Variants in C8B observed in about 807,000 individuals in gnomAD.
C8B encodes the protein complement C8 beta chain.
A neutral mutation model predicts 64.6 loss-of-function variants in C8B; 67 were observed. That is an observed-to-expected ratio of 1.04 (90% CI 0.85 to 1.27). The LOEUF (loss-of-function observed/expected upper bound fraction) is 1.27, where lower values mean the gene tolerates loss of function less well. Among genes scored for constraint, C8B ranks in the 50% most tolerant of loss-of-function variants. The pLI is 0.00. For missense variants in C8B, 790 were observed against 725.2 expected (o/e 1.09, Z -1.03); for synonymous variants, 284 against 257.7 (o/e 1.10, Z -0.98).
intron 10 of C8B, among the ~76,000 whole-genome samples, chr1:56,932,166 A>C (rs547255435): frequency 6.6e-6 from 1 of 152,334 alleles, no homozygotes; most frequent in South Asian, 2.1e-4. Context: ...GTCAGAAGCT[A>C]CATTAGCAGT....
In C8B at chr1:56,949,665, ACTTG is replaced by A. The variant is rs1557736940; in HGVS notation, c.750_753del (p.Lys251LeufsTer50). 1 of 1,614,012 alleles carries A rather than the reference ACTTG, an allele frequency of 6.2e-7. No homozygotes were observed. ...ATTTTAAAACCAAAACTGAAACCAG[ACTTG>A]CTTGCCATTTTCTCTGTGACATTGC... On this transcript the variant is annotated frameshift_variant, in exon 6 of 12. Transcript: ENST00000371237. LOFTEE classifies it high-confidence loss of function.
intron 9 of C8B, among the ~76,000 whole-genome samples, chr1:56,936,216 G>A (rs1474572450): frequency 6.6e-6 from 1 of 152,146 alleles, no homozygotes; most frequent in East Asian, 1.9e-4. Context: ...TTAATGTTCT[G>A]AATATATCTG....
rs753583783 is a variant in C8B at position 56,952,183 on chromosome 1, G to A, written c.534-3C>T. ...AACTGTTTGTGAACAAATTTATCCTGTGAGGAAGAGACAGAGATGGCGAAG... is the reference window on the plus strand; with the variant it reads ...AACTGTTTGTGAACAAATTTATCCTATGAGGAAGAGACAGAGATGGCGAAG... On this transcript the variant is annotated splice_region_variant and splice_polypyrimidine_tract_variant and intron_variant, in intron 4 of 11. Transcript: ENST00000371237. The A allele has an allele frequency of 5.0e-6, 8 of 1,614,006 alleles. No homozygotes were observed. The highest frequency in any genetic ancestry group is 2.7e-5 in the African/African-American group (2 of 74,934).
chr1:56,946,773 A>G (rs1644948750), intron 6 of C8B, among the ~76,000 whole-genome samples: 1 of 152,250 alleles, frequency 6.6e-6, no homozygotes, highest in African/African-American at 2.4e-5. Context: ...AAGTGTTAGT[A>G]CAACCCTAGG....
chr1:56,940,749 G>A (rs866654905), intron 9 of C8B, 100 bp downstream of exon 9: 2 of 1,359,354 alleles, frequency 1.5e-6, no homozygotes, highest in African/African-American at 1.4e-5. Flanking sequence ...ATTAGGGCCT[G>A]GGTCTTAGTG....
At chr1:56,957,362 A>T (rs1005095402) in intron 2 of C8B, among the ~76,000 whole-genome samples, 4 of 152,214 alleles carry the variant, frequency 2.6e-5, no homozygotes, top group African/African-American at 9.7e-5. Flanking sequence ...AGGCATCAGT[A>T]TATTATAAAT....
intron 3 of C8B, 120 bp downstream of exon 3, chr1:56,956,649 A>G: frequency 1.0e-6 from 1 of 993,734 alleles, no homozygotes; most frequent in Admixed American, 1.7e-5. Flanking sequence ...TAGGACAAGG[A>G]GGCCTCCTGA....
chr1:56,935,675 T>C (rs968821513), intron 9 of C8B, among the ~76,000 whole-genome samples: 3 of 152,244 alleles, frequency 2.0e-5, no homozygotes, highest in African/African-American at 4.8e-5. Flanking sequence ...AACAATCTTA[T>C]GAGTTCGTTA....
At chr1:56,939,476 C>T (rs1644819120) in intron 9 of C8B, among the ~76,000 whole-genome samples, 1 of 152,194 alleles carries the variant, frequency 6.6e-6, no homozygotes, top group South Asian at 2.1e-4. Context: ...GAGCACCAGT[C>T]CCTCAACCCT....
At chr1:56,948,518 C>T (rs943798127) in intron 6 of C8B, among the ~76,000 whole-genome samples, 7 of 152,096 alleles carry the variant, frequency 4.6e-5, no homozygotes, top group Admixed American at 6.5e-5. Flanking sequence ...GTGAGATGCT[C>T]AGAAGAGTGG....
intron 9 of C8B, among the ~76,000 whole-genome samples, chr1:56,940,431 G>A (rs1409295899): frequency 6.6e-6 from 1 of 151,734 alleles, no homozygotes; most frequent in Non-Finnish European, 1.5e-5. Flanking sequence ...TTAGCCAGGT[G>A]TGGTGTCATG....
intron 11 of C8B, chr1:56,931,601 C>T: frequency 3.8e-6 from 2 of 523,946 alleles, no homozygotes; most frequent in East Asian, 3.6e-5. Context: ...TAACATGAAG[C>T]ACTCTGTGTT....
chr1:56,960,780 C>T (rs2101466155), intron 1 of C8B, among the ~76,000 whole-genome samples: 1 of 152,256 alleles, frequency 6.6e-6, no homozygotes, highest in Middle Eastern at 3.4e-3. Context: ...TAAGTGGATG[C>T]TGTTTTCCCA....
intron 7 of C8B, 50 bp downstream of exon 7, chr1:56,945,771 T>C (rs770062416): frequency 1.9e-6 from 3 of 1,612,240 alleles, no homozygotes; most frequent in Non-Finnish European, 2.5e-6. Context: ...GTTCAACTTA[T>C]GACTCTTCCC....
At chr1:56,953,431 A>T (rs1645055027) in intron 4 of C8B, among the ~76,000 whole-genome samples, 1 of 152,216 alleles carries the variant, frequency 6.6e-6, no homozygotes, top group East Asian at 1.9e-4. Flanking sequence ...AATCCTTATG[A>T]GGATTAATCA....
rs1644660349 is a variant in C8B, at chr1:56,929,331, G to A, written c.*73C>T. 6.5e-7 allele frequency: 1 copy of A among 1,530,218 alleles called. No individual in the cohort carries two copies. Among genetic ancestry groups the A allele is most frequent in the African/African-American group, 1.4e-5 (1 of 73,186 alleles). 94.8% of individuals were successfully genotyped at this position (1,530,218 alleles called of 1,614,324 possible). A position where few individuals can be genotyped will look rare whatever the true frequency, so the allele number is the denominator to read the frequency against. On this transcript the variant is annotated 3_prime_UTR_variant, in exon 12 of 12. Transcript: ENST00000371237. ...GCATGAACTCCAGGTGGAAACTGGT[G>A]TAGGGCTGAGCTGGCATGAGTTCTT...
rs41285942 is a variant in C8B at position 56,940,883 on chromosome 1, G to A, written c.1364C>T (p.Ala455Val). The change falls in exon 9 of 12, where the codon GCT becomes GTT. Residue 455 changes from alanine (A) to valine (V), a missense_variant. By Grantham distance (64) the Ala-to-Val change is moderately conservative (BLOSUM62 0). Coordinates refer to ENST00000371237, the MANE Select transcript of C8B (RefSeq NM_000066.4). Reference protein sequence around the residue: ...TADLMQEWGDAVQYNPAIIKV... With the variant: ...TADLMQEWGDVVQYNPAIIKV... ...GATGATGGCTGGGTTGTACTGCACA[G>A]CGTCTCCCCACTCCTGCATCAGGTC... 4.3e-6 allele frequency: 7 copies of A among 1,614,030 alleles called. No homozygotes were observed. The highest frequency in any genetic ancestry group is 2.2e-5 in the East Asian group (1 of 44,858).
chr1:56,957,815 GGGGA>G (rs562132046), intron 2 of C8B, among the ~76,000 whole-genome samples: 95 of 152,230 alleles, frequency 6.2e-4, no homozygotes, highest in African/African-American at 2.1e-3. Context: ...TGCCATGACA[GGGGA>G]GGCAGAGTGC....
chr1:56,931,333 T>C (rs1273270218), intron 11 of C8B, among the ~76,000 whole-genome samples: 5 of 152,150 alleles, frequency 3.3e-5, no homozygotes, highest in African/African-American at 1.2e-4. Context: ...TACTCACAGA[T>C]GCAGGGGAGT....
Sources: gnomAD v4.1 joint callset for allele counts (sites outside exome capture counted in the v4.1 genomes callset) on GRCh38, gnomAD v4.1.1 for gene constraint, MANE v1.5 for transcripts, NCBI Gene and HGNC (gene_info 2026-07-23, HGNC 2026-07-21) for gene names.